SYNE1: variants seen among roughly 807,000 people sequenced by gnomAD.
SYNE1 encodes the protein nesprin-1.
A neutral mutation model predicts 1,111.0 loss-of-function variants in SYNE1; 616 were observed. The observed-to-expected ratio is 0.55, with a 90% confidence interval of 0.52 to 0.59. The LOEUF is 0.59. SYNE1 is among the 20% of genes least tolerant of loss of function. The pLI is 0.00. For missense variants in SYNE1, 10,006 were observed against 10,417.0 expected (o/e 0.96, Z 1.72); for synonymous variants, 3,855 against 3,825.8 (o/e 1.01, Z -0.28).
At chr6:152,511,671 A>G (rs1465300421) in intron 6 of SYNE1, 2 of 1,429,990 alleles carry the variant, frequency 1.4e-6, no homozygotes, top group Non-Finnish European at 2.0e-6. Flanking sequence ...TTCAAAGGGA[A>G]TAAAGAGGTA....
rs2096205922 is a variant in SYNE1 at position 152,329,943 on chromosome 6, G to A, written c.14742C>T (p.Asp4914=). The A allele has an allele frequency of 2.5e-6, 4 of 1,614,146 alleles. No homozygotes were observed. Among genetic ancestry groups the A allele is most frequent in the Non-Finnish European group, 1.7e-6 (2 of 1,180,016 alleles). Residue 4914 remains aspartate, a synonymous_variant, in exon 78 of 146, where the codon GAC becomes GAT. Transcript: ENST00000367255. ...KAELSGPVYL[D]LNLQDIQEEI... is the part of the protein sequence containing the mutation. ...CCTCTTGGATGTCCTGCAGGTTGAG[G>A]TCTAGGTACACCGGCCCACTGAGCT...
chr6:152,291,991 C>T (rs148059965), intron 95 of SYNE1, among the ~76,000 whole-genome samples: 3,638 of 152,252 alleles, frequency 0.024, 64 homozygotes, highest in Non-Finnish European at 0.039. Flanking sequence ...TGGCTCCTTC[C>T]AGTACAGTGA....
At chr6:152,420,355 C>T (rs1306480561) in intron 39 of SYNE1, among the ~76,000 whole-genome samples, 1 of 152,306 alleles carries the variant, frequency 6.6e-6, no homozygotes, top group South Asian at 2.1e-4. Context: ...TGCAGTGGCT[C>T]ATGCCTGTAA....
chr6:152,577,423 G>C (rs2099501264), intron 3 of SYNE1, among the ~76,000 whole-genome samples: 1 of 152,146 alleles, frequency 6.6e-6, no homozygotes, highest in Admixed American at 6.5e-5. Context: ...ACAAGGTCAG[G>C]AGATTGAGAC....
At chr6:152,596,415 C>T (rs2099582045) in intron 3 of SYNE1, among the ~76,000 whole-genome samples, 1 of 151,782 alleles carries the variant, frequency 6.6e-6, no homozygotes, top group African/African-American at 2.4e-5. Context: ...GCCACCATGC[C>T]CAGCTAATTT....
chr6:152,343,708 C>T (rs1053127804), intron 74 of SYNE1, among the ~76,000 whole-genome samples: 9 of 151,644 alleles, frequency 5.9e-5, no homozygotes, highest in African/African-American at 2.2e-4. Context: ...GCTGGGATTA[C>T]AGGTGCACGT....
At chr6:152,528,374 A>G (rs1399496805) in intron 4 of SYNE1, among the ~76,000 whole-genome samples, 1 of 148,418 alleles carries the variant, frequency 6.7e-6, no homozygotes, top group Non-Finnish European at 1.5e-5. Flanking sequence ...ACACCAGAAT[A>G]AAAAAAATTA....
chr6:152,301,844 C>G (rs1335284791), intron 92 of SYNE1, 25 bp downstream of exon 92: 1 of 1,588,944 alleles, frequency 6.3e-7, no homozygotes, highest in East Asian at 2.2e-5. Flanking sequence ...AAGAGCAAAG[C>G]CGCGGGGACC....
chr6:152,199,067 T>C (rs890863101), intron 127 of SYNE1, among the ~76,000 whole-genome samples: 6 of 151,538 alleles, frequency 4.0e-5, no homozygotes, highest in Non-Finnish European at 8.8e-5. Context: ...TAAAATGAGG[T>C]TTGCCCATAT....
In SYNE1 at chr6:152,331,038, C is replaced by A; in HGVS notation, c.13647G>T (p.Lys4549Asn). Residue 4549 changes from lysine (K) to asparagine (N), a missense_variant, in exon 78 of 146, where the codon AAG (lysine) becomes AAT (asparagine). Lys to Asn is a moderately conservative substitution (Grantham distance 94). Coordinates refer to ENST00000367255, the MANE Select transcript of SYNE1 (RefSeq NM_182961.4). ...CTAGTTCTTGTAACCGGTGACTGCACTTTTGTAAAACACTGTCATAGACAC... is the reference window on the plus strand; with the variant it reads ...CTAGTTCTTGTAACCGGTGACTGCAATTTTGTAAAACACTGTCATAGACAC... ...LQSVYDSVLQ[K>N]CSHRLQELEK... 1 of 1,614,144 alleles carries A rather than the reference C, an allele frequency of 6.2e-7. No individual in the cohort carries two copies. The highest frequency in any genetic ancestry group is 1.1e-5 in the South Asian group (1 of 91,076).
intron 130 of SYNE1, among the ~76,000 whole-genome samples, chr6:152,169,250 A>G (rs759739594): frequency 6.6e-6 from 1 of 152,186 alleles, no homozygotes; most frequent in Non-Finnish European, 1.5e-5. Flanking sequence ...TTAAAACAGA[A>G]CACTACAGGA....
At chr6:152,271,168 C>T (rs984514639) in intron 98 of SYNE1, among the ~76,000 whole-genome samples, 1 of 152,096 alleles carries the variant, frequency 6.6e-6, no homozygotes, top group African/African-American at 2.4e-5. Context: ...CTCTCGCTCT[C>T]CTATTTTCAG....
At position 152,443,490 on chromosome 6, in the gene SYNE1, T is replaced by C. The variant is rs2295042; in HGVS notation, c.3837+921A>G. 2.5e-4 allele frequency among the ~76,000 whole-genome samples: 38 copies of C among 152,304 alleles called. No individual in the cohort carries two copies. The East Asian group carries it at 7.2e-3, about 29-fold the overall frequency. ...CACGTTAGCCAGGATGGTCTCGATC[T>C]GCTGACCTCGTGATGCGCCCGCCTC... On this transcript the variant is annotated intron_variant, in intron 30 of 145. Transcript: ENST00000367255.
chr6:152,599,831 A>G (rs1248388640), intron 3 of SYNE1, among the ~76,000 whole-genome samples: 2 of 152,224 alleles, frequency 1.3e-5, no homozygotes, highest in African/African-American at 4.8e-5. Flanking sequence ...ATAGCATAGA[A>G]AGTCAGACAC....
chr6:152,406,308 C>T (rs1051242948), intron 45 of SYNE1, among the ~76,000 whole-genome samples: 3 of 151,976 alleles, frequency 2.0e-5, no homozygotes, highest in African/African-American at 7.2e-5. Flanking sequence ...ACTCAGTGAG[C>T]AGTTTGGGAT....
Position 152,139,908 on chromosome 6 carries a change from GCT to G in SYNE1, c.25458+40_25458+41del, listed in dbSNP as rs747506722. On this transcript the variant is annotated intron_variant, in intron 140 of 145. Coordinates refer to ENST00000367255, the MANE Select transcript of SYNE1 (RefSeq NM_182961.4). ...CATCTGCACGGTCGTTCACGCGGTG[GCT>G]CTCTGTTTGTCCGCCGTGGGAAAGG... is the stretch of plus-strand genomic sequence containing the variant. 12 of 1,576,586 alleles carry G rather than the reference GCT, an allele frequency of 7.6e-6. No homozygotes were observed. The African/African-American group carries it at 1.6e-4, about 21-fold the overall frequency.
chr6:152,282,178 A>T (rs998729235), intron 96 of SYNE1, 198 bp from the exon 97 acceptor site: 1 of 614,238 alleles, frequency 1.6e-6, no homozygotes, highest in African/African-American at 1.8e-5. Flanking sequence ...GGTATTTTTA[A>T]AAAGACTCCC....
At chr6:152,615,164 CTCTT>C (rs1233651015) in intron 3 of SYNE1, among the ~76,000 whole-genome samples, 1 of 152,076 alleles carries the variant, frequency 6.6e-6, no homozygotes, top group African/African-American at 2.4e-5. Flanking sequence ...AATTGTATAA[CTCTT>C]TCAGGATCAC....
chr6:152,511,872 T>A (rs1412316870), intron 6 of SYNE1, among the ~76,000 whole-genome samples: 1 of 152,224 alleles, frequency 6.6e-6, no homozygotes, highest in East Asian at 1.9e-4. Context: ...TTTCATCCAC[T>A]ACAAAGTTGT....
Sources: allele counts gnomAD v4.1 joint callset (sites outside exome capture counted in the v4.1 genomes callset), GRCh38; gene constraint gnomAD v4.1.1; transcripts MANE v1.5; gene names NCBI Gene and HGNC (gene_info 2026-07-23, HGNC 2026-07-21).